AFAP1: variants seen among roughly 807,000 people sequenced by gnomAD.
AFAP1 encodes the protein actin filament-associated protein 1.
Under a neutral mutation model 93.9 loss-of-function variants are expected in AFAP1, and 75 were observed. That is an observed-to-expected ratio of 0.80 (90% CI 0.66 to 0.97). AFAP1 has a LOEUF of 0.97. Among genes scored for constraint, AFAP1 ranks in the 50% least tolerant of loss-of-function variants. The probability of loss-of-function intolerance (pLI) is 0.00; values close to 1 mark genes in which losing one functional copy is unlikely to be tolerated. For synonymous variants in AFAP1, 517 were observed against 430.7 expected, an observed-to-expected ratio of 1.20 and a Z score of -2.48; for missense variants, 1,201 against 1,050.8, an observed-to-expected ratio of 1.14 and a Z score of -1.98.
chr4:7,888,197 A>G (rs747881715), intron 1 of AFAP1, among the ~76,000 whole-genome samples: 5 of 152,272 alleles, frequency 3.3e-5, no homozygotes, highest in Non-Finnish European at 5.9e-5. Flanking sequence ...CAAAAATGAA[A>G]TTGTGACATT....
At chr4:7,769,854 G>C (rs1026095259) in intron 16 of AFAP1, among the ~76,000 whole-genome samples, 1 of 152,254 alleles carries the variant, frequency 6.6e-6, no homozygotes, top group Non-Finnish European at 1.5e-5. Flanking sequence ...ACAATCCCCA[G>C]GCAGCCAACT....
chr4:7,818,484 T>C (rs1720681673), intron 7 of AFAP1, among the ~76,000 whole-genome samples: 1 of 151,766 alleles, frequency 6.6e-6, no homozygotes, highest in African/African-American at 2.4e-5. Context: ...CAACAGAAGG[T>C]TTCATGGCAG....
At chr4:7,868,145 C>T (rs150969983) in intron 3 of AFAP1, among the ~76,000 whole-genome samples, 6 of 150,846 alleles carry the variant, frequency 4.0e-5, no homozygotes, top group Non-Finnish European at 7.4e-5. Flanking sequence ...TATACATTCC[C>T]GAAATATGTA....
chr4:7,885,673 C>G lies in AFAP1; in HGVS notation c.-2-13593G>C, dbSNP rs116540628. ...AATTCACTTTTATGTTTCCAGTTCTCCATAATAGACAACATTCCTGAGATC... is the reference window on the plus strand; with the variant it reads ...AATTCACTTTTATGTTTCCAGTTCTGCATAATAGACAACATTCCTGAGATC... On this transcript the variant is annotated intron_variant, in intron 1 of 17. Transcript: ENST00000420658. Among the ~76,000 whole-genome samples the G allele has an allele frequency of 2.3e-3, 348 of 152,326 alleles. 2 individuals are homozygous for G. The highest frequency in any genetic ancestry group is 8.0e-3 in the African/African-American group (331 of 41,558).
intron 8 of AFAP1, among the ~76,000 whole-genome samples, chr4:7,812,708 C>T (rs1720155469): frequency 6.6e-6 from 1 of 152,304 alleles, no homozygotes; most frequent in African/African-American, 2.4e-5. Context: ...GCAAGACTAA[C>T]GCCGGGCATT....
intron 8 of AFAP1, among the ~76,000 whole-genome samples, chr4:7,813,296 G>T (rs774654945): frequency 2.0e-5 from 3 of 152,196 alleles, no homozygotes; most frequent in Non-Finnish European, 4.4e-5. Context: ...AGGTTAGAAT[G>T]TACTTCAACC....
At chr4:7,840,860 A>C (rs1643871047) in intron 5 of AFAP1, among the ~76,000 whole-genome samples, 1 of 152,216 alleles carries the variant, frequency 6.6e-6, no homozygotes, top group Admixed American at 6.5e-5. Context: ...AAATTGTGTA[A>C]ACCTTTTTAA....
intron 1 of AFAP1, among the ~76,000 whole-genome samples, chr4:7,893,704 G>T (rs766059679): frequency 2.6e-5 from 4 of 152,142 alleles, no homozygotes; most frequent in Middle Eastern, 3.4e-3. Context: ...TCACCACCGG[G>T]GGTTCTTGTT....
chr4:7,936,836 C>T (rs1196005053), intron 1 of AFAP1, among the ~76,000 whole-genome samples: 4 of 152,116 alleles, frequency 2.6e-5, no homozygotes, highest in Non-Finnish European at 5.9e-5. Flanking sequence ...CTGCCTCGGC[C>T]TCCCAAAGTG....
intron 6 of AFAP1, among the ~76,000 whole-genome samples, chr4:7,824,403 C>T (rs1721245059): frequency 1.4e-5 from 2 of 146,380 alleles, no homozygotes; most frequent in Admixed American, 1.4e-4. Context: ...TACACAAAGG[C>T]TCATGTTTTC....
chr4:7,919,262 C>T (rs1017922712), intron 1 of AFAP1, among the ~76,000 whole-genome samples: 29 of 152,334 alleles, frequency 1.9e-4, no homozygotes, highest in African/African-American at 5.5e-4. Context: ...ACTGGAAAGC[C>T]GAAGCCTGGC....
intron 1 of AFAP1, among the ~76,000 whole-genome samples, chr4:7,895,611 T>G (rs991590354): frequency 2.3e-4 from 34 of 148,810 alleles, no homozygotes; most frequent in African/African-American, 6.8e-4. Flanking sequence ...CACTCGAGTT[T>G]TTTAAAATAA....
chr4:7,847,375 G>T (rs907348933), intron 4 of AFAP1, among the ~76,000 whole-genome samples: 1 of 151,354 alleles, frequency 6.6e-6, no homozygotes, highest in Non-Finnish European at 1.5e-5. Context: ...CTAATCAAGA[G>T]AACTCTCCGG....
At chr4:7,861,638 C>G (rs1239809395) in intron 3 of AFAP1, among the ~76,000 whole-genome samples, 1 of 152,224 alleles carries the variant, frequency 6.6e-6, no homozygotes, top group Non-Finnish European at 1.5e-5. Context: ...CCTTTTCCAT[C>G]AGCAGGCAGG....
intron 1 of AFAP1, among the ~76,000 whole-genome samples, chr4:7,913,075 C>T (rs994157260): frequency 6.6e-6 from 1 of 152,122 alleles, no homozygotes; most frequent in African/African-American, 2.4e-5. Context: ...GTCTGCAACT[C>T]CTAGGCTCAA....
In AFAP1 at chr4:7,939,271, G is replaced by A. The variant is rs560404370; in HGVS notation, c.-3+385C>T. The A allele has an allele frequency of 1.9e-4, 61 of 312,960 alleles. 1 individual carries two copies. The Admixed American group carries it at 2.1e-3, about 11-fold the overall frequency. 19.4% of individuals were successfully genotyped at this position (312,960 alleles called of 1,614,324 possible). On this transcript the variant is annotated intron_variant, in intron 1 of 17. Coordinates refer to ENST00000420658, the MANE Select transcript of AFAP1 (RefSeq NM_001134647.2). The surrounding 1 kb of genome is among the most constrained non-coding windows in gnomAD (Gnocchi z 5.6). ...GACGAAGCAGTCTCGCTACGGGGGA[G>A]GGCGGCGGAGCCTCCCACTCTTGGT...
intron 1 of AFAP1, among the ~76,000 whole-genome samples, chr4:7,876,487 T>C (rs188991530): frequency 2.8e-4 from 42 of 152,252 alleles, no homozygotes; most frequent in Non-Finnish European, 4.3e-4. Flanking sequence ...ACTGAAAATA[T>C]AGAAATGCAG....
rs550142267 is a variant in AFAP1 at position 7,822,012 on chromosome 4, C to T, written c.727-2841G>A. Reference sequence around the variant, plus strand: ...AACCTCAATGCAGTGATCTGTGTGTCTGATCTCTCTTGTTTCTCTCGCTTT... The same window carrying T: ...AACCTCAATGCAGTGATCTGTGTGTTTGATCTCTCTTGTTTCTCTCGCTTT... On this transcript the variant is annotated intron_variant, in intron 6 of 17. Transcript: ENST00000420658. Among the ~76,000 whole-genome samples the T allele has an allele frequency of 5.3e-5, 8 of 152,316 alleles. No individual in the cohort carries two copies. In the East Asian group the frequency reaches 1.2e-3, roughly 22 times the overall value.
chr4:7,860,865 T>C (rs894479294), intron 3 of AFAP1, among the ~76,000 whole-genome samples: 1 of 152,148 alleles, frequency 6.6e-6, no homozygotes, highest in Non-Finnish European at 1.5e-5. Flanking sequence ...AAGACTCTCC[T>C]CCCCGCGCCC....
Sources: allele counts gnomAD v4.1 joint callset (sites outside exome capture counted in the v4.1 genomes callset), GRCh38; gene constraint gnomAD v4.1.1; non-coding constraint Gnocchi (gnomAD v3.1); transcripts MANE v1.5; gene names NCBI Gene and HGNC (gene_info 2026-07-23, HGNC 2026-07-21).